Variants in SHISA9 observed in about 807,000 individuals in gnomAD.
SHISA9 encodes the protein protein shisa-9.
A neutral mutation model predicts 38.0 loss-of-function variants in SHISA9; 13 were observed. The ratio of observed to expected loss-of-function variants is 0.34; its 90% CI spans 0.22 to 0.54. SHISA9 has a LOEUF of 0.54. Ranked by LOEUF, SHISA9 falls within the 20% of genes least tolerant of loss-of-function variation. SHISA9 has a pLI of 0.91. For missense variants in SHISA9, 538 were observed against 575.8 expected (o/e 0.93, Z 0.67); for synonymous variants, 275 against 242.0 (o/e 1.14, Z -1.27).
At chr16:13,019,882 CCCTTCTTTCTTT>C (rs1262232851) in intron 2 of SHISA9, among the ~76,000 whole-genome samples, 951 of 20,316 alleles carry the variant, frequency 0.047, 84 homozygotes, top group South Asian at 0.068. Context: ...CTCCCTCCCT[CCCTTCTTTCTTT>C]CTTTCTTTCT....
chr16:13,062,334 C>A (rs1428036451), intron 2 of SHISA9, among the ~76,000 whole-genome samples: 1 of 152,158 alleles, frequency 6.6e-6, no homozygotes, highest in African/African-American at 2.4e-5. Context: ...CAGATAAATC[C>A]TATGGACAAA....
chr16:12,902,727 C>G, intron 1 of SHISA9, 100 bp downstream of exon 1: 3 of 1,228,096 alleles, frequency 2.4e-6, no homozygotes, highest in Non-Finnish European at 3.3e-6. Flanking sequence ...GGTCCCCGCT[C>G]CCCGCATCCC....
chr16:13,148,334 CTT>C (rs372595261), intron 2 of SHISA9, among the ~76,000 whole-genome samples: 5 of 152,214 alleles, frequency 3.3e-5, no homozygotes, highest in African/African-American at 1.2e-4. Flanking sequence ...TTCACACACT[CTT>C]TACACACCCC....
At chr16:13,404,084 A>C in the SHISA9 span, among the ~76,000 whole-genome samples, 1 of 152,222 alleles carries the variant, frequency 6.6e-6, no homozygotes, top group Non-Finnish European at 1.5e-5. Context: ...AGCTCATGTC[A>C]GGAACTTTCC....
intron 2 of SHISA9, among the ~76,000 whole-genome samples, chr16:13,175,953 G>A (rs191085893): frequency 1.3e-4 from 20 of 152,064 alleles, no homozygotes; most frequent in African/African-American, 4.6e-4. Flanking sequence ...ACCGAGGTAT[G>A]TTCTCACTCT....
chr16:13,387,341 C>G, the SHISA9 span, among the ~76,000 whole-genome samples: 1 of 152,074 alleles, frequency 6.6e-6, no homozygotes, highest in African/African-American at 2.4e-5. Context: ...GTGTTCTTAT[C>G]AGAAGAGGGA....
At chr16:13,189,419 C>T (rs979946982) in intron 2 of SHISA9, among the ~76,000 whole-genome samples, 5 of 152,192 alleles carry the variant, frequency 3.3e-5, no homozygotes, top group African/African-American at 9.7e-5. Flanking sequence ...AACCTGGCAT[C>T]GAATCCTGAT....
chr16:13,306,879 G>A, the SHISA9 span, among the ~76,000 whole-genome samples: 3 of 152,134 alleles, frequency 2.0e-5, 1 homozygote, highest in Non-Finnish European at 2.9e-5. Context: ...GTATGTATGT[G>A]TGTATATATA....
At chr16:13,319,890 T>G in the SHISA9 span, among the ~76,000 whole-genome samples, 1 of 152,034 alleles carries the variant, frequency 6.6e-6, no homozygotes, top group African/African-American at 2.4e-5. Flanking sequence ...GTTTTACATT[T>G]GTTTTGATAT....
chr16:13,283,155 A>G, the SHISA9 span, among the ~76,000 whole-genome samples: 3 of 152,274 alleles, frequency 2.0e-5, no homozygotes, highest in Admixed American at 1.3e-4. Context: ...TTAGAAGGCA[A>G]TTCAACTACT....
At chr16:13,008,668 TCCCTCCCTCC>T (rs1567179954) in intron 2 of SHISA9, among the ~76,000 whole-genome samples, 46 of 65,812 alleles carry the variant, frequency 7.0e-4, no homozygotes, top group African/African-American at 2.8e-3. Flanking sequence ...CCTCCCTTCC[TCCCTCCCTCC>T]CTCTCTCTCT....
chr16:12,933,133 A>C (rs371043647), intron 2 of SHISA9, among the ~76,000 whole-genome samples: 17 of 152,308 alleles, frequency 1.1e-4, no homozygotes, highest in African/African-American at 3.8e-4. Context: ...TTGTTTAATG[A>C]ATGAATGAAT....
chr16:13,206,776 C>G (rs114842297), intron 3 of SHISA9, among the ~76,000 whole-genome samples: 2 of 152,220 alleles, frequency 1.3e-5, no homozygotes, highest in African/African-American at 2.4e-5. Flanking sequence ...GCTCAACCCT[C>G]GTTATGTCCC....
the SHISA9 span, among the ~76,000 whole-genome samples, chr16:13,402,837 G>T: frequency 6.6e-6 from 1 of 152,120 alleles, no homozygotes; most frequent in Admixed American, 6.5e-5. Flanking sequence ...TAAATTTCTG[G>T]GCTGGGTGCA....
At chr16:13,212,505 C>T (rs917128975) in intron 3 of SHISA9, among the ~76,000 whole-genome samples, 1 of 152,102 alleles carries the variant, frequency 6.6e-6, no homozygotes, top group Non-Finnish European at 1.5e-5. Context: ...GAATTCAATT[C>T]GGATAAACTG....
intron 2 of SHISA9, among the ~76,000 whole-genome samples, chr16:13,031,593 T>C (rs980693317): frequency 6.6e-6 from 1 of 152,042 alleles, no homozygotes; most frequent in Non-Finnish European, 1.5e-5. Flanking sequence ...AGCATGCCAG[T>C]ATGAAAAGCA....
the SHISA9 span, among the ~76,000 whole-genome samples, chr16:13,456,051 T>C: frequency 1.3e-5 from 2 of 152,196 alleles, no homozygotes; most frequent in African/African-American, 4.8e-5. Context: ...ACAAATGCTG[T>C]TCTCCATTGT....
intron 2 of SHISA9, among the ~76,000 whole-genome samples, chr16:13,090,703 C>T (rs568428005): frequency 2.2e-4 from 34 of 152,302 alleles, no homozygotes; most frequent in Admixed American, 5.2e-4. Flanking sequence ...CATCGTTGCA[C>T]GTGAAATGGG....
the SHISA9 span, among the ~76,000 whole-genome samples, chr16:13,553,367 C>T: frequency 2.8e-4 from 43 of 152,312 alleles, no homozygotes; most frequent in East Asian, 4.8e-3. Context: ...TCTCATTCTA[C>T]GCTAGGCACT....
Sources: gnomAD v4.1 joint callset for allele counts (sites outside exome capture counted in the v4.1 genomes callset) on GRCh38, gnomAD v4.1.1 for gene constraint, MANE v1.5 for transcripts, NCBI Gene and HGNC (gene_info 2026-07-23, HGNC 2026-07-21) for gene names.